Variants in CPNE2 observed in about 807,000 individuals in gnomAD.
CPNE2 encodes copine-2.
Under a neutral mutation model 69.7 loss-of-function variants are expected in CPNE2, and 42 were observed. That is an observed-to-expected ratio of 0.60 (90% confidence interval 0.47 to 0.78). CPNE2 has a LOEUF of 0.78. Among genes scored for constraint, CPNE2 ranks in the 30% least tolerant of loss-of-function variants. The pLI is 0.00. For missense variants in CPNE2, 587 were observed against 732.0 expected (o/e 0.80, Z 2.29); for synonymous variants, 294 against 289.8 (o/e 1.01, Z -0.15).
At chr16:57,096,271 T>C (rs1178004433) in intron 1 of CPNE2, among the ~76,000 whole-genome samples, 2 of 152,254 alleles carry the variant, frequency 1.3e-5, no homozygotes, top group African/African-American at 4.8e-5. Context: ...TGAGAGAATC[T>C]AAGCCATCCA....
intron 1 of CPNE2, among the ~76,000 whole-genome samples, chr16:57,104,928 G>A (rs1426015141): frequency 3.3e-5 from 5 of 152,206 alleles, no homozygotes; most frequent in African/African-American, 1.2e-4. Flanking sequence ...AAGCAAGCGA[G>A]GGGGAGGGTG....
chr16:57,123,709 C>T (rs2069779843), intron 10 of CPNE2: 1 of 550,982 alleles, frequency 1.8e-6, no homozygotes, highest in Admixed American at 3.1e-5. Context: ...AGCTTTCAGT[C>T]TGGTGGCTAC....
chr16:57,147,618 A>G lies in CPNE2; in HGVS notation c.1607A>G (p.Lys536Arg). Reference protein sequence around the residue: ...ELPQQVVQYFKHKNLPPTNSE... With the variant: ...ELPQQVVQYFRHKNLPPTNSE... The stretch of plus-strand genomic sequence containing the variant: ...CCCCAACAAGTTGTGCAGTATTTCA[A>G]GCATAAAAACCTGCCCCCCACCAAC... Residue 536 changes from lysine to arginine, a missense_variant, in exon 16 of 16, where the codon AAG (lysine) becomes AGG (arginine). Physicochemically the swap from Lys to Arg is conservative, Grantham distance 26. Transcript: ENST00000290776. The G allele has an allele frequency of 6.2e-7, 1 of 1,607,728 alleles. No homozygotes were observed. The highest frequency in any genetic ancestry group is 1.1e-5 in the South Asian group (1 of 90,326).
intron 14 of CPNE2, among the ~76,000 whole-genome samples, chr16:57,137,679 T>G (rs2069892989): frequency 1.3e-5 from 2 of 152,186 alleles, no homozygotes; most frequent in African/African-American, 4.8e-5. Flanking sequence ...TGCTGAACTG[T>G]CTGGCCCTGG....
chr16:57,104,343 C>G (rs1409957545), intron 1 of CPNE2, among the ~76,000 whole-genome samples: 4 of 152,210 alleles, frequency 2.6e-5, no homozygotes, highest in Non-Finnish European at 5.9e-5. Flanking sequence ...GTGATGGCAG[C>G]CTTGGCTCTG....
At chr16:57,138,544 AC>A (rs1220022701) in intron 14 of CPNE2, among the ~76,000 whole-genome samples, 3 of 150,002 alleles carry the variant, frequency 2.0e-5, no homozygotes, top group East Asian at 2.0e-4. Flanking sequence ...CTGCCACCTA[AC>A]CCCCCGTGTG....
At position 57,134,870 on chromosome 16, in the gene CPNE2, G is replaced by A. The variant is rs148278128; in HGVS notation, c.1168+44G>A. On this transcript the variant is annotated intron_variant, in intron 13 of 15. Transcript: ENST00000290776. ...TGCAGCTGCCCTGTGTTTGCTACGG[G>A]CCTGGCCAGCTCCCTGGGTGGAGGG... The A allele has an allele frequency of 7.3e-4, 1,163 of 1,602,980 alleles. 9 individuals are homozygous for A. In the African/African-American group the frequency reaches 0.014, roughly 19 times the overall value.
At chr16:57,136,515 C>T (rs1299078038) in intron 13 of CPNE2, among the ~76,000 whole-genome samples, 1 of 152,178 alleles carries the variant, frequency 6.6e-6, no homozygotes, top group Non-Finnish European at 1.5e-5. Flanking sequence ...CCTGAGAGAC[C>T]CCCCTCCTGC....
At chr16:57,104,214 G>A (rs1259710416) in intron 1 of CPNE2, among the ~76,000 whole-genome samples, 1 of 152,182 alleles carries the variant, frequency 6.6e-6, no homozygotes, top group Non-Finnish European at 1.5e-5. Flanking sequence ...CACCACGCCC[G>A]GCCGGAAGGC....
chr16:57,145,711 T>C (rs757816064), intron 14 of CPNE2: 8 of 248,334 alleles, frequency 3.2e-5, no homozygotes, highest in Non-Finnish European at 6.4e-5. Context: ...ACTCCCACTT[T>C]GCAGATGAAG....
At chr16:57,106,753 G>A (rs1285336605) in intron 1 of CPNE2, among the ~76,000 whole-genome samples, 3 of 152,154 alleles carry the variant, frequency 2.0e-5, no homozygotes, top group African/African-American at 7.2e-5. Flanking sequence ...CAGGGGTGTG[G>A]ACTGGGTGAC....
chr16:57,097,107 T>C (rs2069582685), intron 1 of CPNE2, among the ~76,000 whole-genome samples: 1 of 152,176 alleles, frequency 6.6e-6, no homozygotes, highest in Admixed American at 6.5e-5. Context: ...GAGAGACCAA[T>C]GCCTTGCTCT....
At chr16:57,113,509 CG>C in intron 3 of CPNE2, 42 bp downstream of exon 3, 2 of 1,582,538 alleles carry the variant, frequency 1.3e-6, no homozygotes, top group Non-Finnish European at 1.7e-6. Context: ...GCCCAAAGAC[CG>C]GGCAACCCCT....
chr16:57,098,419 C>T (rs534255666), intron 1 of CPNE2, among the ~76,000 whole-genome samples: 1 of 152,324 alleles, frequency 6.6e-6, no homozygotes, highest in South Asian at 2.1e-4. Context: ...GGCTGCCTGT[C>T]GCCTGGCAGG....
Position 57,146,005 on chromosome 16 carries a change from G to C in CPNE2, c.1303-80G>C, listed in dbSNP as rs2069954296. The C allele has an allele frequency of 8.2e-6, 10 of 1,222,346 alleles. No homozygotes were observed. The South Asian group carries it at 1.3e-4, about 16-fold the overall frequency. 75.7% of individuals were successfully genotyped at this position (1,222,346 alleles called of 1,614,324 possible). On this transcript the variant is annotated intron_variant, in intron 14 of 15. Coordinates refer to ENST00000290776, the MANE Select transcript of CPNE2 (RefSeq NM_152727.6). The surrounding 1 kb of genome is among the most constrained non-coding windows in gnomAD (Gnocchi z 4.4). ...CACTGCCTTCCTCCAGGACTCGGAGGGTTTGGGATGAAGGAGGGAGGGAGA... is the reference window on the plus strand; with the variant it reads ...CACTGCCTTCCTCCAGGACTCGGAGCGTTTGGGATGAAGGAGGGAGGGAGA...
intron 9 of CPNE2, 41 bp from the exon 10 acceptor site, chr16:57,123,373 C>T (rs760036460): frequency 1.5e-5 from 24 of 1,604,566 alleles, no homozygotes; most frequent in Middle Eastern, 3.3e-4. Context: ...GGGAGTGTGA[C>T]CAAGTCAAGG....
At chr16:57,104,984 C>T (rs563113593) in intron 1 of CPNE2, among the ~76,000 whole-genome samples, 6 of 152,114 alleles carry the variant, frequency 3.9e-5, no homozygotes, top group South Asian at 2.1e-4. Flanking sequence ...ATCCTGGGCA[C>T]GATTTGGGGT....
Position 57,146,876 on chromosome 16 carries a change from C to G in CPNE2, c.1539+555C>G, listed in dbSNP as rs2069962570. On this transcript the variant is annotated intron_variant, in intron 15 of 15. Transcript: ENST00000290776. The surrounding 1 kb of genome is among the most constrained non-coding windows in gnomAD (Gnocchi z 4.4). ...AGGAGGCCGGGGTTGGCCTCCTGAT[C>G]ACTGCCCTAGCAGCAGGGTCCATGA... 6.2e-6 allele frequency: 1 copy of G among 160,310 alleles called. No homozygotes were observed. Among genetic ancestry groups the G allele is most frequent in the Non-Finnish European group, 1.4e-5 (1 of 72,740 alleles). 9.9% of individuals were successfully genotyped at this position (160,310 alleles called of 1,614,324 possible). A position where few individuals can be genotyped will look rare whatever the true frequency, so the allele number is the denominator to read the frequency against.
At chr16:57,110,353 T>C (rs2069673098) in intron 1 of CPNE2, among the ~76,000 whole-genome samples, 1 of 151,654 alleles carries the variant, frequency 6.6e-6, no homozygotes, top group Non-Finnish European at 1.5e-5. Flanking sequence ...GCCTCCCAAG[T>C]AGCTGGGACC....
Sources: allele counts gnomAD v4.1 joint callset (sites outside exome capture counted in the v4.1 genomes callset), GRCh38; gene constraint gnomAD v4.1.1; non-coding constraint Gnocchi (gnomAD v3.1); transcripts MANE v1.5; gene names NCBI Gene and HGNC (gene_info 2026-07-23, HGNC 2026-07-21).